Variants in AKAP19 observed in about 807,000 individuals in gnomAD.
AKAP19 encodes A-kinase anchoring protein 19.
At chr2:190,056,943 A>G in the AKAP19 span, 2 of 308,610 alleles carry the variant, frequency 6.5e-6, no homozygotes, top group South Asian at 8.7e-5. Context: ...ATACTCCTTT[A>G]ATTCATCAGA....
At chr2:190,009,784 G>A in the AKAP19 span, among the ~76,000 whole-genome samples, 1 of 151,972 alleles carries the variant, frequency 6.6e-6, no homozygotes, top group Admixed American at 6.6e-5. Flanking sequence ...GAAGAGAAAT[G>A]GATCAAAGAC....
the AKAP19 span, among the ~76,000 whole-genome samples, chr2:189,988,664 A>G: frequency 3.3e-5 from 5 of 152,198 alleles, no homozygotes; most frequent in South Asian, 6.2e-4. Flanking sequence ...TATGTGTGGG[A>G]CAAAGGTCTG....
the AKAP19 span, among the ~76,000 whole-genome samples, chr2:190,168,168 C>A: frequency 2.6e-5 from 4 of 152,338 alleles, no homozygotes; most frequent in Non-Finnish European, 5.9e-5. Context: ...GGGCTCAACA[C>A]CCTGTGGAAG....
At chr2:190,175,885 G>A in the AKAP19 span, among the ~76,000 whole-genome samples, 2 of 152,200 alleles carry the variant, frequency 1.3e-5, no homozygotes, top group African/African-American at 2.4e-5. Flanking sequence ...CCTTTAAGAG[G>A]TGATTAGGCC....
At chr2:189,982,553 C>G in the AKAP19 span, among the ~76,000 whole-genome samples, 3 of 152,210 alleles carry the variant, frequency 2.0e-5, no homozygotes, top group Admixed American at 6.5e-5. Flanking sequence ...TTGGAGGTGT[C>G]AAGACACTTT....
At chr2:190,180,580 G>T in the AKAP19 span, 1 of 985,848 alleles carries the variant, frequency 1.0e-6, no homozygotes, top group Non-Finnish European at 1.2e-6. The surrounding 1 kb of genome is among the most constrained non-coding windows in gnomAD (Gnocchi z 6.8). Context: ...TAGTTGCGGG[G>T]GGCGTGAGGG....
chr2:189,938,492 G>A, the AKAP19 span, among the ~76,000 whole-genome samples: 26 of 152,172 alleles, frequency 1.7e-4, no homozygotes, highest in South Asian at 4.1e-4. Flanking sequence ...GACAAACATC[G>A]CATGTTCTCA....
At chr2:190,072,815 G>A in the AKAP19 span, among the ~76,000 whole-genome samples, 2 of 151,992 alleles carry the variant, frequency 1.3e-5, no homozygotes, top group Admixed American at 6.6e-5. Flanking sequence ...CAGCTAAAAC[G>A]TTACATACCA....
chr2:190,134,496 T>A, the AKAP19 span, among the ~76,000 whole-genome samples: 1 of 152,114 alleles, frequency 6.6e-6, no homozygotes, highest in Non-Finnish European at 1.5e-5. Context: ...AACATGGGTA[T>A]CTTTTAGTTT....
the AKAP19 span, among the ~76,000 whole-genome samples, chr2:190,035,558 G>C: frequency 6.6e-6 from 1 of 152,112 alleles, no homozygotes. Flanking sequence ...TGTGTGCTGA[G>C]AGTAGCCCCC....
At chr2:190,016,108 G>A in the AKAP19 span, among the ~76,000 whole-genome samples, 53 of 152,002 alleles carry the variant, frequency 3.5e-4, no homozygotes, top group Non-Finnish European at 5.6e-4. Flanking sequence ...CAACCTCTGC[G>A]TGTTACCCAG....
the AKAP19 span, among the ~76,000 whole-genome samples, chr2:190,091,695 C>G: frequency 0.056 from 8,543 of 152,126 alleles, 305 homozygotes; most frequent in Non-Finnish European, 0.086. Context: ...GAGTTTGTAC[C>G]AGAATATCCC....
At chr2:190,072,009 T>C in the AKAP19 span, among the ~76,000 whole-genome samples, 1 of 151,632 alleles carries the variant, frequency 6.6e-6, no homozygotes, top group South Asian at 2.1e-4. Context: ...TTAATAAAAA[T>C]ACATAAAGAA....
At chr2:190,195,576 T>C in the AKAP19 span, among the ~76,000 whole-genome samples, 1 of 152,256 alleles carries the variant, frequency 6.6e-6, no homozygotes, top group East Asian at 1.9e-4. Context: ...GAGGTGTCTG[T>C]CCAGATCTTT....
At chr2:190,129,833 A>G in the AKAP19 span, among the ~76,000 whole-genome samples, 1 of 152,202 alleles carries the variant, frequency 6.6e-6, no homozygotes, top group African/African-American at 2.4e-5. Flanking sequence ...GGCTGTAGGT[A>G]CAACTGTGGA....
chr2:190,120,075 C>A, the AKAP19 span, among the ~76,000 whole-genome samples: 1 of 152,116 alleles, frequency 6.6e-6, no homozygotes, highest in Admixed American at 6.5e-5. Flanking sequence ...GGTACCAGTC[C>A]GTGGCCTGTT....
the AKAP19 span, among the ~76,000 whole-genome samples, chr2:189,951,137 T>C: frequency 3.9e-5 from 6 of 151,944 alleles, no homozygotes; most frequent in Admixed American, 1.3e-4. Context: ...GTACCAGTAT[T>C]AGGTTTTTTC....
At chr2:190,085,553 CTT>C in the AKAP19 span, among the ~76,000 whole-genome samples, 1 of 152,210 alleles carries the variant, frequency 6.6e-6, no homozygotes, top group Non-Finnish European at 1.5e-5. Flanking sequence ...TAGCAGAACT[CTT>C]TTAGCTACTG....
At chr2:190,200,118 C>CATTCCATACATT in the AKAP19 span, 20 of 1,614,008 alleles carry the variant, frequency 1.2e-5, no homozygotes, top group East Asian at 4.2e-4. Context: ...AGTACCATGA[C>CATTCCATACATT]ATTCCATACA....
Sources: gnomAD v4.1 joint callset for allele counts (sites outside exome capture counted in the v4.1 genomes callset) on GRCh38, gnomAD v4.1.1 for gene constraint, Gnocchi (gnomAD v3.1) non-coding constraint, MANE v1.5 for transcripts, NCBI Gene and HGNC (gene_info 2026-07-23, HGNC 2026-07-21) for gene names.